NEK9: variants seen among roughly 807,000 people sequenced by gnomAD.
NEK9 encodes the protein serine/threonine-protein kinase Nek9.
A neutral mutation model predicts 123.4 loss-of-function variants in NEK9; 75 were observed. The observed-to-expected ratio is 0.61, with a 90% CI of 0.50 to 0.74. The LOEUF is 0.74. Ranked by LOEUF, NEK9 falls within the 30% of genes least tolerant of loss-of-function variation. The probability of loss-of-function intolerance (pLI) is 0.00; values close to 1 mark genes in which losing one functional copy is unlikely to be tolerated. For synonymous variants in NEK9, 438 were observed against 458.7 expected, an observed-to-expected ratio of 0.95 and a Z score of 0.58; for missense variants, 952 against 1,214.4, an observed-to-expected ratio of 0.78 and a Z score of 3.21.
In NEK9 at chr14:75,082,251, C is replaced by T. The variant is rs1449943486; in HGVS notation, c.*2313G>A. On this transcript the variant is annotated 3_prime_UTR_variant, in exon 22 of 22. Transcript: ENST00000238616. ...GAGCAGAGGAGTAACTCAGGTTATA[C>T]TGTAACTCAAAAGCAATACTACTAG... The T allele has an allele frequency of 6.6e-6, 1 of 152,188 alleles. No homozygotes were observed. The highest frequency in any genetic ancestry group is 1.9e-4 in the East Asian group (1 of 5,206). 9.4% of individuals were successfully genotyped at this position (152,188 alleles called of 1,614,324 possible).
At position 75,097,103 on chromosome 14, in the gene NEK9, C is replaced by T. The variant is rs753734170; in HGVS notation, c.2170G>A (p.Val724Ile). Reference sequence around the variant, plus strand: ...CCCAGACATATGAAACTCTTACCAACGATGAGAATGGTATGCCATCCACGG... The same window carrying T: ...CCCAGACATATGAAACTCTTACCAATGATGAGAATGGTATGCCATCCACGG... ...SCRGWHTILI[V>I]EKVLNSKTIR... The change falls in exon 17 of 22, where the codon GTT becomes ATT. Residue 724 changes from valine to isoleucine, a missense_variant. By Grantham distance (29) the Val-to-Ile change is conservative (BLOSUM62 3). Coordinates refer to ENST00000238616, the MANE Select transcript of NEK9 (RefSeq NM_033116.6). The T allele has an allele frequency of 6.9e-6, 11 of 1,602,860 alleles. No individual in the cohort carries two copies. Among genetic ancestry groups the T allele is most frequent in the South Asian group, 5.6e-5 (5 of 89,538 alleles).
chr14:75,126,711 G>C lies in NEK9; in HGVS notation c.211C>G (p.Arg71Gly). ...GCGCCGAGGGCCGCTACCTCGGTGCGGCGGTACAGCGTGGCTTCCCCGAAG... is the reference window on the plus strand; with the variant it reads ...GCGCCGAGGGCCGCTACCTCGGTGCCGCGGTACAGCGTGGCTTCCCCGAAG... ...GAFGEATLYR[R>G]TEDDSLVVWK... Residue 71 changes from arginine (R) to glycine (G), a missense_variant, in exon 1 of 22, where the codon CGC becomes GGC. By Grantham distance (125) the Arg-to-Gly change is moderately radical. Around this residue, in one of 4 missense-constraint regions of NEK9, gnomAD observed 106 missense variants for 153.0 expected, o/e 0.69. Transcript: ENST00000238616. 6.9e-7 allele frequency: 1 copy of C among 1,443,784 alleles called. No individual in the cohort carries two copies. Among genetic ancestry groups the C allele is most frequent in the Non-Finnish European group, 9.1e-7 (1 of 1,099,856 alleles). 89.4% of individuals were successfully genotyped at this position (1,443,784 alleles called of 1,614,324 possible). A position where few individuals can be genotyped will look rare whatever the true frequency, so the allele number is the denominator to read the frequency against.
intron 17 of NEK9, among the ~76,000 whole-genome samples, chr14:75,096,241 C>T (rs947739520): frequency 9.9e-5 from 14 of 141,350 alleles, no homozygotes; most frequent in Admixed American, 2.2e-4. Context: ...CGCACCACTG[C>T]GCTCCAGCCT....
chr14:75,122,438 T>G (rs1193192734), intron 2 of NEK9, among the ~76,000 whole-genome samples: 1 of 152,204 alleles, frequency 6.6e-6, no homozygotes, highest in Non-Finnish European at 1.5e-5. Flanking sequence ...TAGTACAGTA[T>G]GTAGCAAACA....
chr14:75,127,134 T>C (rs1248630335), upstream of NEK9: 3 of 504,334 alleles, frequency 5.9e-6, no homozygotes, highest in Non-Finnish European at 1.0e-5. Flanking sequence ...TCTTGGCTAG[T>C]CTAGCGGCCA....
rs1893850166 is a variant in NEK9 at position 75,080,840 on chromosome 14, CTG to C, written c.*3722_*3723del. The stretch of plus-strand genomic sequence containing the variant: ...TATTTTTAGTAGAGATGGGGTTTCA[CTG>C]TGTTAGCCAGGATGGTCTTGAACTC... On this transcript the variant is annotated 3_prime_UTR_variant, in exon 22 of 22. Coordinates refer to ENST00000238616, the MANE Select transcript of NEK9 (RefSeq NM_033116.6). 1 of 151,900 alleles carries C rather than the reference CTG, an allele frequency of 6.6e-6. No homozygotes were observed. The highest frequency in any genetic ancestry group is 2.4e-5 in the African/African-American group (1 of 41,388). 9.4% of individuals were successfully genotyped at this position (151,900 alleles called of 1,614,324 possible).
At chr14:75,122,494 A>G (rs141238239) in intron 2 of NEK9, among the ~76,000 whole-genome samples, 30 of 152,188 alleles carry the variant, frequency 2.0e-4, no homozygotes, top group African/African-American at 6.5e-4. Flanking sequence ...CAATCCTAGA[A>G]AGTAGGTACT....
At chr14:75,093,567 C>T (rs1370175551) in intron 18 of NEK9, among the ~76,000 whole-genome samples, 1 of 152,184 alleles carries the variant, frequency 6.6e-6, no homozygotes, top group Non-Finnish European at 1.5e-5. Context: ...GATTCCCCTG[C>T]CTCAGCCTCC....
intron 19 of NEK9, among the ~76,000 whole-genome samples, chr14:75,089,731 G>A (rs1217882974): frequency 2.1e-5 from 3 of 140,138 alleles, no homozygotes; most frequent in South Asian, 4.5e-4. Flanking sequence ...ACGGAGTCTC[G>A]CTCTGTCACC....
chr14:75,122,789 CTTTTTTTTT>C (rs35799337), intron 2 of NEK9, among the ~76,000 whole-genome samples: 2 of 80,106 alleles, frequency 2.5e-5, no homozygotes, highest in African/African-American at 1.1e-4. Context: ...CCACGCCCAG[CTTTTTTTTT>C]TTTTTTTTTT....
At chr14:75,102,386 C>T (rs1010117807) in intron 14 of NEK9, among the ~76,000 whole-genome samples, 4 of 151,906 alleles carry the variant, frequency 2.6e-5, no homozygotes. Flanking sequence ...CTTGCTTTGT[C>T]GCCCAGGCTG....
chr14:75,115,112 CGT>C (rs796359578), intron 6 of NEK9, among the ~76,000 whole-genome samples: 8 of 20,070 alleles, frequency 4.0e-4, no homozygotes, highest in African/African-American at 8.4e-4. Flanking sequence ...CACGTGTGTG[CGT>C]ACACACACAC....
intron 8 of NEK9, 61 bp downstream of exon 8, chr14:75,113,278 T>C (rs1895016328): frequency 3.9e-6 from 5 of 1,291,296 alleles, no homozygotes; most frequent in Admixed American, 3.5e-5. Flanking sequence ...AGTACTCTGA[T>C]CAAGCCTCTA....
intron 1 of NEK9, 44 bp downstream of exon 1, chr14:75,126,659 A>G (rs1280739334): frequency 1.5e-6 from 2 of 1,357,874 alleles, no homozygotes; most frequent in East Asian, 6.2e-5. Flanking sequence ...ACTCGGGGCG[A>G]CCCGACAGCG....
rs536840982 is a variant in NEK9, at chr14:75,103,997, C to T, written c.1576G>A (p.Val526Met). The change falls in exon 14 of 22, where the codon GTG becomes ATG. Residue 526 changes from valine to methionine, a missense_variant and splice_region_variant. Physicochemically the swap from Val to Met is conservative, Grantham distance 21. Coordinates refer to ENST00000238616, the MANE Select transcript of NEK9 (RefSeq NM_033116.6). Reference protein sequence around the residue: ...SEEDYYTPQKVDVPKALIIVA... With the variant: ...SEEDYYTPQKMDVPKALIIVA... ...ATAATCAAGGCCTTGGGAACATCCA[C>T]CTGCAAGAAAAAAATCAGAAAAAGA... The T allele has an allele frequency of 6.3e-7, 1 of 1,598,854 alleles. No individual in the cohort carries two copies. Among genetic ancestry groups the T allele is most frequent in the African/African-American group, 1.4e-5 (1 of 73,794 alleles).
At chr14:75,095,958 G>A (rs2139736578) in intron 17 of NEK9, among the ~76,000 whole-genome samples, 1 of 152,264 alleles carries the variant, frequency 6.6e-6, no homozygotes, top group East Asian at 1.9e-4. Flanking sequence ...TGATTTAATT[G>A]GTCAGGGATA....
At chr14:75,106,203 CA>C (rs1894766709) in intron 12 of NEK9, 1 of 590,216 alleles carries the variant, frequency 1.7e-6, no homozygotes, top group Non-Finnish European at 3.0e-6. Context: ...ACTAAAAATA[CA>C]AAAAATTAGC....
At chr14:75,104,369 T>A (rs558865143) in intron 13 of NEK9, among the ~76,000 whole-genome samples, 1 of 152,282 alleles carries the variant, frequency 6.6e-6, no homozygotes, top group South Asian at 2.1e-4. Flanking sequence ...TTTTGCCACG[T>A]AGGCCAGGCT....
At chr14:75,099,842 C>A (rs546409602) in intron 16 of NEK9, among the ~76,000 whole-genome samples, 2 of 150,596 alleles carry the variant, frequency 1.3e-5, no homozygotes, top group Non-Finnish European at 3.0e-5. Context: ...AAGAAATAGC[C>A]ACAGAGGACC....
Sources: gnomAD v4.1 joint callset for allele counts (sites outside exome capture counted in the v4.1 genomes callset) on GRCh38, gnomAD v4.1.1 for gene constraint, gnomAD v4.1.1 regional missense constraint, MANE v1.5 for transcripts, NCBI Gene and HGNC (gene_info 2026-07-23, HGNC 2026-07-21) for gene names.